P3H2: variants seen among roughly 807,000 people sequenced by gnomAD.
The protein encoded by P3H2 is prolyl 3-hydroxylase 2, also known as leprecan-like 1.
P3H2 carries 80 observed loss-of-function variants against 87.0 expected under a neutral mutation model. The ratio of observed to expected loss-of-function variants is 0.92; its 90% CI spans 0.77 to 1.11. The LOEUF (loss-of-function observed/expected upper bound fraction) is 1.11. Ranked by LOEUF, P3H2 falls within the 50% of genes least tolerant of loss-of-function variation. The probability of loss-of-function intolerance (pLI) is 0.00; values close to 1 mark genes in which losing one functional copy is unlikely to be tolerated. For synonymous variants in P3H2, 367 were observed against 359.3 expected (o/e 1.02, Z -0.24); for missense variants, 1,001 against 923.9 (o/e 1.08, Z -1.08).
intron 1 of P3H2, among the ~76,000 whole-genome samples, chr3:189,997,079 T>C (rs561828504): frequency 1.3e-5 from 2 of 152,222 alleles, no homozygotes; most frequent in Non-Finnish European, 2.9e-5. Flanking sequence ...TGGAGTGCAA[T>C]GGCGCGATCT....
rs775441432 is a variant in P3H2, at chr3:190,120,606, C to A, written c.126G>T (p.Gln42His). Residue 42 changes from glutamine to histidine, a missense_variant, in exon 1 of 15, where the codon CAG becomes CAT. Coordinates refer to ENST00000319332, the MANE Select transcript of P3H2 (RefSeq NM_018192.4). ...RELELEPGPL[Q>H]PFDLLYASGA... ...CGCTGGCGTAGAGCAGGTCGAAGGG[C>A]TGCAGAGGCCCGGGCTCCAGCTCCA... 6.5e-7 allele frequency: 1 copy of A among 1,545,422 alleles called. No homozygotes were observed. The highest frequency in any genetic ancestry group is 1.2e-5 in the South Asian group (1 of 84,182).
At chr3:190,036,207 C>T (rs530728154) in intron 1 of P3H2, among the ~76,000 whole-genome samples, 4 of 152,276 alleles carry the variant, frequency 2.6e-5, no homozygotes, top group South Asian at 2.1e-4. Context: ...TCTGCCTTTT[C>T]TCCCAAACTT....
Position 189,957,816 on chromosome 3 carries a change from C to T in P3H2, c.*96G>A. ...AGGAAGATCTGATGACTGACATTAA[C>T]CTGTTAATTTATACCATGGCTCTGT... is the stretch of plus-strand genomic sequence containing the variant. On this transcript the variant is annotated 3_prime_UTR_variant, in exon 15 of 15. Coordinates refer to ENST00000319332, the MANE Select transcript of P3H2 (RefSeq NM_018192.4). The T allele has an allele frequency of 1.2e-6, 1 of 808,756 alleles. No homozygotes were observed. The highest frequency in any genetic ancestry group is 2.1e-6 in the Non-Finnish European group (1 of 475,220). The allele number at this position is 808,756 out of a possible 1,614,324, so 50.1% of individuals were successfully genotyped here. A position where few individuals can be genotyped will look rare whatever the true frequency, so the allele number is the denominator to read the frequency against.
At chr3:190,065,569 T>C (rs866993939) in intron 1 of P3H2, among the ~76,000 whole-genome samples, 3 of 152,188 alleles carry the variant, frequency 2.0e-5, no homozygotes, top group Non-Finnish European at 4.4e-5. Flanking sequence ...GTACTGCTCC[T>C]ATAGAATTAC....
chr3:190,068,825 C>G (rs776357783), intron 1 of P3H2, among the ~76,000 whole-genome samples: 7 of 150,442 alleles, frequency 4.7e-5, no homozygotes, highest in Non-Finnish European at 8.8e-5. Context: ...TTCAGCTTCT[C>G]TACATATAGA....
intron 1 of P3H2, among the ~76,000 whole-genome samples, chr3:190,026,283 T>C (rs901445208): frequency 6.6e-6 from 1 of 152,172 alleles, no homozygotes; most frequent in African/African-American, 2.4e-5. Flanking sequence ...AGCAACTCCA[T>C]CTTGAGTAGT....
chr3:190,120,350 G>A lies in P3H2; in HGVS notation c.382C>T (p.Leu128Phe). The change falls in exon 1 of 15, where the codon CTC (leucine) becomes TTC (phenylalanine). Residue 128 changes from leucine (L) to phenylalanine (F), a missense_variant. Coordinates refer to ENST00000319332, the MANE Select transcript of P3H2 (RefSeq NM_018192.4). ...CGGTGGCGGGATGCGGGGCCCCCGA[G>A]GCGCTGGGTCTCACAGCTGCGATAA... ...RCYRSCETQRLGGPASRHRVS... is the reference protein window; with the variant it reads ...RCYRSCETQRFGGPASRHRVS... The A allele has an allele frequency of 6.3e-7, 1 of 1,580,190 alleles. No individual in the cohort carries two copies.
rs1723980057 is a variant in P3H2 at position 189,994,361 on chromosome 3, G to C, written c.634-78C>G. 13 of 1,236,886 alleles carry C rather than the reference G, an allele frequency of 1.1e-5. No homozygotes were observed. In the Admixed American group the frequency reaches 2.2e-4, roughly 21 times the overall value. 76.6% of individuals were successfully genotyped at this position (1,236,886 alleles called of 1,614,324 possible). ...AAAAACCCTTATTTTCAAAGAGAAG[G>C]GTTTTTGTTGACTCAGGATCATCTA... On this transcript the variant is annotated intron_variant, in intron 2 of 14. Coordinates refer to ENST00000319332, the MANE Select transcript of P3H2 (RefSeq NM_018192.4).
chr3:189,984,096 A>C (rs939383598), intron 7 of P3H2, among the ~76,000 whole-genome samples: 3 of 152,308 alleles, frequency 2.0e-5, no homozygotes, highest in Non-Finnish European at 4.4e-5. Flanking sequence ...ATTTAAAAAA[A>C]AATGAGCTTT....
chr3:190,098,397 A>G (rs1347266528), intron 1 of P3H2, among the ~76,000 whole-genome samples: 1 of 152,196 alleles, frequency 6.6e-6, no homozygotes, highest in African/African-American at 2.4e-5. Context: ...AAATTAAGAG[A>G]TGAGGTCTGA....
intron 1 of P3H2, among the ~76,000 whole-genome samples, chr3:190,086,586 C>T (rs2108982822): frequency 6.6e-6 from 1 of 152,272 alleles, no homozygotes; most frequent in South Asian, 2.1e-4. Context: ...AGAGTTTCAG[C>T]ATACAGATTT....
chr3:190,052,502 T>G (rs544718290), intron 1 of P3H2, among the ~76,000 whole-genome samples: 1 of 152,290 alleles, frequency 6.6e-6, no homozygotes, highest in South Asian at 2.1e-4. Context: ...TACAGAGTAA[T>G]AGTTTTAGCT....
chr3:190,115,433 A>AAC (rs1412401996), intron 1 of P3H2, among the ~76,000 whole-genome samples: 2 of 151,884 alleles, frequency 1.3e-5, no homozygotes, highest in African/African-American at 4.8e-5. Context: ...GGGAGAAAAA[A>AAC]AAAAAAAACC....
chr3:190,120,410 G>A lies in P3H2; in HGVS notation c.322C>T (p.Pro108Ser), dbSNP rs1268183770. Residue 108 changes from proline (P) to serine (S), a missense_variant, in exon 1 of 15, where the codon CCC becomes TCC. By Grantham distance (74) the Pro-to-Ser change is moderately conservative. Coordinates refer to ENST00000319332, the MANE Select transcript of P3H2 (RefSeq NM_018192.4). ...CGCCCCAACAAGGAGCGGAAAAGGG[G>A]CAGCTCAGCGCCGGGGCCCTCGCCG... Reference protein sequence around the residue: ...PPGEGPGAELPLFRSLLGRAR... With the variant: ...PPGEGPGAELSLFRSLLGRAR... 6.6e-7 allele frequency: 1 copy of A among 1,515,872 alleles called. No individual in the cohort carries two copies. Among genetic ancestry groups the A allele is most frequent in the South Asian group, 1.2e-5 (1 of 81,572 alleles). The allele number at this position is 1,515,872 out of a possible 1,614,324, so 93.9% of individuals were successfully genotyped here.
intron 1 of P3H2, among the ~76,000 whole-genome samples, chr3:190,095,339 T>C (rs993577898): frequency 1.4e-4 from 18 of 130,362 alleles, no homozygotes; most frequent in Non-Finnish European, 2.7e-4. Context: ...TATATATATA[T>C]ATATATATAT....
intron 1 of P3H2, among the ~76,000 whole-genome samples, chr3:190,049,378 C>T (rs1470194356): frequency 6.6e-6 from 1 of 152,092 alleles, no homozygotes; most frequent in African/African-American, 2.4e-5. Context: ...GCTCACATCC[C>T]CTCCTGTACC....
chr3:189,962,817 TA>T (rs963826732), intron 14 of P3H2, among the ~76,000 whole-genome samples: 4 of 152,250 alleles, frequency 2.6e-5, no homozygotes, highest in African/African-American at 7.2e-5. Flanking sequence ...AAAAACGCAT[TA>T]TTTTTAAATA....
chr3:190,076,264 G>T (rs1204140683), intron 1 of P3H2, among the ~76,000 whole-genome samples: 1 of 152,018 alleles, frequency 6.6e-6, no homozygotes, highest in African/African-American at 2.4e-5. Flanking sequence ...GCTTTGGCAG[G>T]AGCACACTCT....
At chr3:190,004,181 G>A (rs1313469007) in intron 1 of P3H2, among the ~76,000 whole-genome samples, 1 of 152,060 alleles carries the variant, frequency 6.6e-6, no homozygotes, top group Non-Finnish European at 1.5e-5. Context: ...TGTCATATAG[G>A]TTGTATGTTT....
Sources: allele counts gnomAD v4.1 joint callset (sites outside exome capture counted in the v4.1 genomes callset), GRCh38; gene constraint gnomAD v4.1.1; transcripts MANE v1.5; gene names NCBI Gene and HGNC (gene_info 2026-07-23, HGNC 2026-07-21).